DMD: variants seen among roughly 807,000 people sequenced by gnomAD.
DMD encodes the protein dystrophin, also known as mutant dystrophin.
In DMD, 63 loss-of-function variants were observed where a neutral mutation model predicts 330.1. That is an observed-to-expected ratio of 0.19 (90% CI 0.16 to 0.24). DMD has a LOEUF of 0.24. Ranked by LOEUF, DMD falls within the 10% of genes least tolerant of loss-of-function variation. DMD has a pLI of 1.00. For missense variants in DMD, 3,344 were observed against 2,684.1 expected (o/e 1.25, Z -5.43); for synonymous variants, 1,223 against 959.8 (o/e 1.27, Z -5.07).
At chrX:32,321,840 A>G (rs1222727361) in intron 41 of DMD, among the ~76,000 whole-genome samples, 1 of 111,884 alleles carries the variant, frequency 8.9e-6, no homozygotes, top group Non-Finnish European at 1.9e-5. Flanking sequence ...GGAGAGAAAG[A>G]CAAAGCTGAG....
chrX:31,182,334 TC>T (rs1471006170), intron 68 of DMD, among the ~76,000 whole-genome samples: 2 of 112,326 alleles, frequency 1.8e-5, no homozygotes, highest in Admixed American at 9.4e-5. Flanking sequence ...AATAGAATCA[TC>T]TCTCAGTTTT....
intron 7 of DMD, among the ~76,000 whole-genome samples, chrX:32,784,032 C>T (rs2075138557): frequency 9.1e-6 from 1 of 109,576 alleles, no homozygotes; most frequent in African/African-American, 3.3e-5. Context: ...ACACCTGGAA[C>T]TCATCTGTGT....
At chrX:31,715,304 G>A (rs1278448196) in intron 52 of DMD, among the ~76,000 whole-genome samples, 1 of 108,569 alleles carries the variant, frequency 9.2e-6, no homozygotes, top group African/African-American at 3.4e-5. Context: ...CAGCACTTTG[G>A]GAGGCCGAGA....
intron 34 of DMD, among the ~76,000 whole-genome samples, chrX:32,372,702 G>A (rs2097884235): frequency 9.0e-6 from 1 of 111,063 alleles, no homozygotes; most frequent in South Asian, 3.7e-4. Context: ...TGATTGAAGG[G>A]TGAATTTAAA....
intron 1 of DMD, among the ~76,000 whole-genome samples, chrX:33,134,694 C>G (rs67440343): frequency 0.053 from 5,979 of 111,796 alleles, 384 homozygotes; most frequent in African/African-American, 0.18. Context: ...AAAAACATCA[C>G]GTTGTACTCG....
intron 9 of DMD, among the ~76,000 whole-genome samples, chrX:32,663,211 G>A (rs16990555): frequency 3.1e-3 from 349 of 111,464 alleles, no homozygotes; most frequent in African/African-American, 0.01. Context: ...TTGCCTTGAG[G>A]AGAAATAAGG....
chrX:32,837,743 T>C (rs1240486451), intron 4 of DMD, among the ~76,000 whole-genome samples: 4 of 111,826 alleles, frequency 3.6e-5, no homozygotes, highest in Non-Finnish European at 7.5e-5. Flanking sequence ...CTCAATGAAC[T>C]GAAAATGAAA....
intron 57 of DMD, among the ~76,000 whole-genome samples, chrX:31,488,540 C>T (rs752134825): frequency 8.9e-6 from 1 of 111,958 alleles, no homozygotes; most frequent in South Asian, 3.8e-4. Flanking sequence ...AAGTCTTTCT[C>T]AGATGGCAAC....
At chrX:33,185,648 T>C (rs2050219767) in intron 1 of DMD, among the ~76,000 whole-genome samples, 2 of 111,608 alleles carry the variant, frequency 1.8e-5, no homozygotes, top group African/African-American at 6.5e-5. Context: ...TCTACCCACC[T>C]GGATAGCCCA....
intron 7 of DMD, among the ~76,000 whole-genome samples, chrX:32,787,379 C>T (rs2075474908): frequency 9.1e-6 from 1 of 110,382 alleles, no homozygotes; most frequent in African/African-American, 3.3e-5. Context: ...CCACCCAGTA[C>T]ACCAGCTGTG....
Position 31,348,614 on chromosome X carries a change from G to C in DMD, c.9105C>G (p.Val3035=). The C allele has an allele frequency of 8.3e-7, 1 of 1,210,714 alleles. No individual in the cohort carries two copies. Among genetic ancestry groups the C allele is most frequent in the Non-Finnish European group, 1.1e-6 (1 of 894,861 alleles). ...CCCTGTGGGCTTCATGCAGCTGCCT[G>C]ACTCGGTCCTCGACGGCCACCTGGG... The part of the protein sequence containing the change: ...KLLQVAVEDR[V]RQLHEAHRDF... Residue 3035 remains valine, a synonymous_variant, in exon 61 of 79, where the codon GTC becomes GTG. Transcript: ENST00000357033.
chrX:32,427,257 T>C (rs2098216803), intron 29 of DMD, among the ~76,000 whole-genome samples: 1 of 111,227 alleles, frequency 9.0e-6, no homozygotes, highest in African/African-American at 3.3e-5. Context: ...GAAAACGGTG[T>C]TGGGTAGCTT....
At chrX:32,498,541 T>C (rs191184309) in intron 19 of DMD, among the ~76,000 whole-genome samples, 58 of 111,159 alleles carry the variant, frequency 5.2e-4, no homozygotes, top group Non-Finnish European at 9.8e-4. Context: ...TGTATAGTTT[T>C]AAAGCAGGCA....
chrX:31,490,652 A>G (rs2069215684), intron 57 of DMD, among the ~76,000 whole-genome samples: 1 of 112,569 alleles, frequency 8.9e-6, no homozygotes, highest in Non-Finnish European at 1.9e-5. Flanking sequence ...ATAGGGAACA[A>G]CGCATTTTTC....
At chrX:32,712,543 A>G (rs2065283860) in intron 7 of DMD, among the ~76,000 whole-genome samples, 1 of 111,793 alleles carries the variant, frequency 8.9e-6, no homozygotes, top group Non-Finnish European at 1.9e-5. Flanking sequence ...AACCCTCATA[A>G]TAAGAAGATA....
chrX:31,990,563 G>A (rs1051253769), intron 44 of DMD, among the ~76,000 whole-genome samples: 2 of 112,079 alleles, frequency 1.8e-5, no homozygotes, highest in Non-Finnish European at 3.8e-5. Context: ...GAAATAATAC[G>A]TACAACCACA....
chrX:32,897,505 C>T lies in DMD; in HGVS notation c.94-47685G>A, dbSNP rs959637555. Reference sequence around the variant, plus strand: ...GTTCTTATTGGTGGAATCTTTCATACTTGTTCAATCCAAATTATCCATTAA... The same window carrying T: ...GTTCTTATTGGTGGAATCTTTCATATTTGTTCAATCCAAATTATCCATTAA... On this transcript the variant is annotated intron_variant, in intron 2 of 78. Transcript: ENST00000357033. 2.7e-4 allele frequency among the ~76,000 whole-genome samples: 30 copies of T among 111,794 alleles called. 1 individual carries two copies. The highest frequency in any genetic ancestry group is 2.7e-3 in the Admixed American group (28 of 10,494).
intron 49 of DMD, among the ~76,000 whole-genome samples, chrX:31,829,364 C>T (rs1441705269): frequency 1.8e-5 from 2 of 110,003 alleles, no homozygotes; most frequent in Non-Finnish European, 3.8e-5. Flanking sequence ...CCTATACCCC[C>T]AAAACTACTG....
chrX:32,355,271 T>C (rs2097795176), intron 37 of DMD, among the ~76,000 whole-genome samples: 1 of 111,154 alleles, frequency 9.0e-6, no homozygotes, highest in South Asian at 3.8e-4. Flanking sequence ...GTCAGTGTAT[T>C]GAAGTGGACA....
Sources: allele counts gnomAD v4.1 joint callset (sites outside exome capture counted in the v4.1 genomes callset), GRCh38; gene constraint gnomAD v4.1.1; transcripts MANE v1.5; gene names NCBI Gene and HGNC (gene_info 2026-07-23, HGNC 2026-07-21).